MYL12B: variants seen among roughly 807,000 people sequenced by gnomAD.
MYL12B encodes the protein myosin regulatory light chain 12B.
A neutral mutation model predicts 12.9 loss-of-function variants in MYL12B; 3 were observed. The ratio of observed to expected loss-of-function variants is 0.23; its 90% CI spans 0.11 to 0.60. The LOEUF is 0.60. Ranked by LOEUF, MYL12B falls within the 20% of genes least tolerant of loss-of-function variation. The probability of loss-of-function intolerance (pLI) is 0.89; values close to 1 mark genes in which losing one functional copy is unlikely to be tolerated. For missense variants in MYL12B, 120 were observed against 215.4 expected, an observed-to-expected ratio of 0.56 and a Z score of 2.77; for synonymous variants, 57 against 71.9, an observed-to-expected ratio of 0.79 and a Z score of 1.05.
At chr18:3,272,041 A>G (rs2081683545) in intron 1 of MYL12B, 1 of 984,892 alleles carries the variant, frequency 1.0e-6, no homozygotes, top group African/African-American at 1.7e-5. Flanking sequence ...AATAAAAAAC[A>G]GAAGGAAAAA....
intron 2 of MYL12B, chr18:3,276,525 T>C (rs1182614632): frequency 1.0e-6 from 1 of 985,056 alleles, no homozygotes; most frequent in Non-Finnish European, 1.2e-6. Flanking sequence ...TTCAATGACA[T>C]GTGTAAACAG....
chr18:3,277,085 T>G, intron 2 of MYL12B, 168 bp from the exon 3 acceptor site: 1 of 933,056 alleles, frequency 1.1e-6, no homozygotes, highest in Non-Finnish European at 1.3e-6. Flanking sequence ...TATCCAATAT[T>G]TTTTAAGTTG....
At chr18:3,264,741 A>G (rs1259593496) in intron 1 of MYL12B, among the ~76,000 whole-genome samples, 1 of 152,220 alleles carries the variant, frequency 6.6e-6, no homozygotes, top group Non-Finnish European at 1.5e-5. Flanking sequence ...ATATATGAAT[A>G]TATACTGTAC....
At chr18:3,264,685 G>A (rs2081623096) in intron 1 of MYL12B, among the ~76,000 whole-genome samples, 1 of 152,144 alleles carries the variant, frequency 6.6e-6, no homozygotes, top group African/African-American at 2.4e-5. Flanking sequence ...CCCAATAAGA[G>A]AGGTGAATTT....
chr18:3,277,534 C>A, intron 3 of MYL12B, 120 bp downstream of exon 3: 1 of 1,447,408 alleles, frequency 6.9e-7, no homozygotes, highest in Non-Finnish European at 9.2e-7. Context: ...ATTTTGTAAG[C>A]ATATGATCTG....
At chr18:3,276,971 T>C (rs2081737577) in intron 2 of MYL12B, 17 of 984,300 alleles carry the variant, frequency 1.7e-5, no homozygotes, top group Non-Finnish European at 2.0e-5. Context: ...ACTGCCTGGC[T>C]TCAGGTTTTT....
In MYL12B at chr18:3,278,068, T is replaced by C; in HGVS notation, c.*131T>C. 1 of 1,170,512 alleles carries C rather than the reference T, an allele frequency of 8.5e-7. No homozygotes were observed. Among genetic ancestry groups the C allele is most frequent in the South Asian group, 1.6e-5 (1 of 62,932 alleles). The allele number at this position is 1,170,512 out of a possible 1,614,324, so 72.5% of individuals were successfully genotyped here. On this transcript the variant is annotated 3_prime_UTR_variant, in exon 4 of 4. Transcript: ENST00000237500. The stretch of plus-strand genomic sequence containing the variant: ...GCTTTGCCTCTTCTTTTTGATGTAT[T>C]TATTCCAGACCTTTCTGCCACTTAG...
At chr18:3,265,643 T>TCCCTC (rs1016299281) in intron 1 of MYL12B, among the ~76,000 whole-genome samples, 1 of 152,124 alleles carries the variant, frequency 6.6e-6, no homozygotes, top group African/African-American at 2.4e-5. Context: ...AACCAGCTCC[T>TCCCTC]CCCTCCCCTC....
rs902864870 is a variant in MYL12B, at chr18:3,275,781, C to CA, written c.185-1466dup. 1.7e-3 allele frequency among the ~76,000 whole-genome samples: 260 copies of CA among 152,308 alleles called. 1 individual carries two copies. Among genetic ancestry groups the CA allele is most frequent in the African/African-American group, 6.0e-3 (251 of 41,532 alleles). On this transcript the variant is annotated intron_variant, in intron 2 of 3. Transcript: ENST00000237500. Reference sequence around the variant, plus strand: ...TTTTGGTTACAGTTTTTCTTCCCCCCAAAAAATGCTGCAAGTGAGTTGGGT... The same window carrying CA: ...TTTTGGTTACAGTTTTTCTTCCCCCCAAAAAAATGCTGCAAGTGAGTTGGGT...
intron 1 of MYL12B, among the ~76,000 whole-genome samples, chr18:3,264,620 G>T (rs539076010): frequency 2.0e-5 from 3 of 152,282 alleles, no homozygotes; most frequent in African/African-American, 7.2e-5. Flanking sequence ...TGAGTCAGGA[G>T]GATCACTTGA....
intron 1 of MYL12B, among the ~76,000 whole-genome samples, chr18:3,263,689 G>T (rs945299787): frequency 2.0e-5 from 3 of 152,204 alleles, no homozygotes; most frequent in African/African-American, 7.2e-5. Context: ...TATATCTGGG[G>T]ATGAGTTTAT....
chr18:3,267,824 C>T (rs1005475368), intron 1 of MYL12B, among the ~76,000 whole-genome samples: 1 of 152,162 alleles, frequency 6.6e-6, no homozygotes, highest in Non-Finnish European at 1.5e-5. Flanking sequence ...TTCCAGGACC[C>T]TCCTGCAGAT....
chr18:3,263,589 AC>A (rs1361481956), intron 1 of MYL12B, among the ~76,000 whole-genome samples: 8 of 152,236 alleles, frequency 5.3e-5, no homozygotes, highest in African/African-American at 1.4e-4. Context: ...AGATGTCCAG[AC>A]AAGAGTTGCT....
At chr18:3,269,330 A>G (rs2081658767) in intron 1 of MYL12B, among the ~76,000 whole-genome samples, 2 of 152,324 alleles carry the variant, frequency 1.3e-5, no homozygotes, top group Non-Finnish European at 2.9e-5. Flanking sequence ...TGAAGAGGCC[A>G]TAGAGATATT....
At chr18:3,268,207 C>G (rs2081649279) in intron 1 of MYL12B, among the ~76,000 whole-genome samples, 1 of 152,170 alleles carries the variant, frequency 6.6e-6, no homozygotes, top group Admixed American at 6.5e-5. Flanking sequence ...GATGTAACCT[C>G]TGAGTACTAC....
chr18:3,276,721 A>G (rs1052907643), intron 2 of MYL12B, among the ~76,000 whole-genome samples: 1 of 148,492 alleles, frequency 6.7e-6, no homozygotes, highest in South Asian at 2.1e-4. Context: ...TGACTCCCCG[A>G]TGGACCATTG....
intron 1 of MYL12B, among the ~76,000 whole-genome samples, chr18:3,263,328 A>G (rs533784420): frequency 7.2e-5 from 11 of 152,366 alleles, no homozygotes; most frequent in African/African-American, 2.2e-4. Context: ...GAATCAAAGC[A>G]TTTAGAATTC....
intron 1 of MYL12B, among the ~76,000 whole-genome samples, chr18:3,271,701 A>G (rs1218127190): frequency 2.0e-5 from 3 of 152,224 alleles, no homozygotes; most frequent in African/African-American, 7.2e-5. Flanking sequence ...ATATGTAGCT[A>G]GTAACGGTGG....
At chr18:3,276,919 C>CAAAAA (rs10706387) in intron 2 of MYL12B, 3 of 856,698 alleles carry the variant, frequency 3.5e-6, no homozygotes, top group Non-Finnish European at 2.7e-6. Context: ...GCCTATAGTC[C>CAAAAA]AAAAAAAAAA....
Sources: gnomAD v4.1 joint callset for allele counts (sites outside exome capture counted in the v4.1 genomes callset) on GRCh38, gnomAD v4.1.1 for gene constraint, MANE v1.5 for transcripts, NCBI Gene and HGNC (gene_info 2026-07-23, HGNC 2026-07-21) for gene names.